The following SYNE1 variants were observed in gnomAD, a reference collection of about 807,000 sequenced individuals.
SYNE1 encodes nesprin-1.
A neutral mutation model predicts 1,111.0 loss-of-function variants in SYNE1; 616 were observed. The observed-to-expected ratio is 0.55, with a 90% CI of 0.52 to 0.59. SYNE1 has a LOEUF of 0.59. Ranked by LOEUF, SYNE1 falls within the 20% of genes least tolerant of loss-of-function variation. The probability of loss-of-function intolerance (pLI) is 0.00; values close to 1 mark genes in which losing one functional copy is unlikely to be tolerated. For synonymous variants in SYNE1, 3,855 were observed against 3,825.8 expected, an observed-to-expected ratio of 1.01 and a Z score of -0.28; for missense variants, 10,006 against 10,417.0, an observed-to-expected ratio of 0.96 and a Z score of 1.72.
intron 3 of SYNE1, among the ~76,000 whole-genome samples, chr6:152,568,539 T>C (rs1233329260): frequency 6.6e-6 from 1 of 152,094 alleles, no homozygotes; most frequent in Non-Finnish European, 1.5e-5. Flanking sequence ...CTGACCTCAG[T>C]TGATCCACCT....
chr6:152,253,335 A>G (rs2089859011), intron 104 of SYNE1, among the ~76,000 whole-genome samples: 1 of 152,196 alleles, frequency 6.6e-6, no homozygotes. Context: ...TAATACTACT[A>G]CTAATAACAA....
intron 4 of SYNE1, among the ~76,000 whole-genome samples, chr6:152,533,929 T>C (rs1470827449): frequency 1.3e-5 from 2 of 151,822 alleles, no homozygotes; most frequent in East Asian, 3.9e-4. Context: ...GAGGCTGAGG[T>C]TGGTGAATTA....
chr6:152,166,169 A>G (rs1437766612), intron 130 of SYNE1, among the ~76,000 whole-genome samples: 1 of 152,138 alleles, frequency 6.6e-6, no homozygotes, highest in Non-Finnish European at 1.5e-5. Flanking sequence ...GTTCCCTGGT[A>G]TTATTCATGC....
At chr6:152,468,066 G>C (rs1001082650) in intron 16 of SYNE1, among the ~76,000 whole-genome samples, 1 of 152,088 alleles carries the variant, frequency 6.6e-6, no homozygotes, top group Non-Finnish European at 1.5e-5. Flanking sequence ...ATTTTAATCA[G>C]GGGACTTTTA....
intron 46 of SYNE1, among the ~76,000 whole-genome samples, chr6:152,403,908 G>A (rs1222785291): frequency 6.6e-6 from 1 of 151,950 alleles, no homozygotes; most frequent in Non-Finnish European, 1.5e-5. Context: ...CTGAAGGAAT[G>A]TGGAAATATA....
intron 3 of SYNE1, among the ~76,000 whole-genome samples, chr6:152,574,507 A>T (rs766766910): frequency 5.3e-4 from 80 of 152,160 alleles, no homozygotes; most frequent in Non-Finnish European, 1.0e-3. Flanking sequence ...CACTTCTTTC[A>T]TGACTCTCTT....
rs1489294510 is a variant in SYNE1 at position 152,219,133 on chromosome 6, T to G, written c.21914A>C (p.Glu7305Ala). 1.2e-6 allele frequency: 2 copies of G among 1,614,092 alleles called. No homozygotes were observed. The highest frequency in any genetic ancestry group is 4.5e-5 in the East Asian group (2 of 44,874). ...TTGTTGCTTCAGTTGCTCTCCCAGC[T>G]CATGGAGAAAAAAGAGGGAATCTTT... ...TVKDSLFFLH[E>A]LGEQLKQQVD... Residue 7305 changes from glutamate (E) to alanine (A), a missense_variant, in exon 120 of 146, where the codon GAG becomes GCG. Glu to Ala is a moderately radical substitution (Grantham distance 107). Transcript: ENST00000367255.
chr6:152,268,404 A>AG (rs397797796), intron 99 of SYNE1, among the ~76,000 whole-genome samples: 1 of 149,548 alleles, frequency 6.7e-6, no homozygotes, highest in African/African-American at 2.5e-5. Flanking sequence ...AAAAAAAAAA[A>AG]CCACCAATGG....
intron 18 of SYNE1, 125 bp from the exon 19 acceptor site, chr6:152,463,642 A>C: frequency 1.2e-6 from 1 of 864,324 alleles, no homozygotes; most frequent in Non-Finnish European, 1.9e-6. Flanking sequence ...GATAAATCAC[A>C]AATCTCTTTA....
chr6:152,381,571 C>G, intron 55 of SYNE1: 1 of 603,006 alleles, frequency 1.7e-6, no homozygotes, highest in South Asian at 1.9e-5. Flanking sequence ...AAAAAAATCC[C>G]GAGAATCCTC....
At chr6:152,407,252 C>T (rs1350158500) in intron 44 of SYNE1, 56 bp from the exon 45 acceptor site, 2 of 1,549,590 alleles carry the variant, frequency 1.3e-6, no homozygotes, top group South Asian at 1.1e-5. Flanking sequence ...GATGATCATC[C>T]CCCAACCAAA....
intron 66 of SYNE1, among the ~76,000 whole-genome samples, chr6:152,355,460 C>T (rs1354511948): frequency 6.6e-6 from 1 of 152,092 alleles, no homozygotes; most frequent in Non-Finnish European, 1.5e-5. Flanking sequence ...ATTGTGGTGG[C>T]CAAGAAAATT....
Position 152,220,993 on chromosome 6 carries a change from A to G in SYNE1, c.21710T>C (p.Leu7237Pro). The G allele has an allele frequency of 1.2e-6, 2 of 1,614,166 alleles. No homozygotes were observed. ...CTTGTATCTTTGCCAAAGCTGAAGT[A>G]GGGCCTTGCTGGACTGTAGCTGCTC... ...IAEQLQSSKA[L>P]LQLWQRYKDY... Residue 7237 changes from leucine (L) to proline (P), a missense_variant, in exon 119 of 146, where the codon CTA (leucine) becomes CCA (proline). Around this residue, in one of 7 missense-constraint regions of SYNE1, gnomAD observed 2,182 missense variants for 2,287.8 expected, o/e 0.95. Transcript: ENST00000367255.
intron 72 of SYNE1, among the ~76,000 whole-genome samples, chr6:152,348,043 T>C (rs6911990): frequency 0.034 from 5,102 of 152,232 alleles, 169 homozygotes; most frequent in African/African-American, 0.088. Context: ...AATATAATAA[T>C]CTAATTCTAG....
chr6:152,217,294 G>C (rs1165317880), intron 121 of SYNE1, among the ~76,000 whole-genome samples: 1 of 149,406 alleles, frequency 6.7e-6, no homozygotes, highest in African/African-American at 2.5e-5. Context: ...TACTCGGGAG[G>C]CTGAGGCAAG....
rs530895131 is a variant in SYNE1, at chr6:152,195,258, C to A, written c.23146-5851G>T. ...TTTGAATTATCTGTCTGAAAGGTTG[C>A]ATATATCTGTCTCTCCAGAATTGGT... On this transcript the variant is annotated intron_variant, in intron 127 of 145. Coordinates refer to ENST00000367255, the MANE Select transcript of SYNE1 (RefSeq NM_182961.4). Among the ~76,000 whole-genome samples the A allele has an allele frequency of 1.3e-4, 20 of 152,320 alleles. No homozygotes were observed. In the South Asian group the frequency reaches 3.7e-3, roughly 28 times the overall value.
intron 24 of SYNE1, among the ~76,000 whole-genome samples, chr6:152,454,624 G>A (rs1384884568): frequency 6.6e-6 from 1 of 152,198 alleles, no homozygotes; most frequent in Non-Finnish European, 1.5e-5. Context: ...TATTACATAT[G>A]ACTAAGTCTC....
rs1334270660 is a variant in SYNE1 at position 152,255,872 on chromosome 6, C to A, written c.19105-126G>T. ...GAGCACTTTGGTAGCCCAAAGCAGACAGATCACTTGAGGTCAGGAGTTCAA... is the reference window on the plus strand; with the variant it reads ...GAGCACTTTGGTAGCCCAAAGCAGAAAGATCACTTGAGGTCAGGAGTTCAA... On this transcript the variant is annotated intron_variant, in intron 102 of 145. Transcript: ENST00000367255. 7.1e-5 allele frequency: 78 copies of A among 1,106,306 alleles called. 1 individual carries two copies. The highest frequency in any genetic ancestry group is 1.5e-5 in the African/African-American group (1 of 65,106). 68.5% of individuals were successfully genotyped at this position (1,106,306 alleles called of 1,614,324 possible).
At chr6:152,389,793 T>A (rs775403450) in intron 53 of SYNE1, among the ~76,000 whole-genome samples, 3 of 152,208 alleles carry the variant, frequency 2.0e-5, no homozygotes, top group Non-Finnish European at 4.4e-5. Context: ...AGTCACTAAA[T>A]GCCAGGGATA....
Sources: allele counts gnomAD v4.1 joint callset (sites outside exome capture counted in the v4.1 genomes callset), GRCh38; gene constraint gnomAD v4.1.1; regional missense constraint gnomAD v4.1.1; transcripts MANE v1.5; gene names NCBI Gene and HGNC (gene_info 2026-07-23, HGNC 2026-07-21).